CPTP: variants seen among roughly 807,000 people sequenced by gnomAD.
CPTP encodes GLTP domain-containing protein 1.
CPTP carries 5 observed loss-of-function variants against 5.7 expected under a neutral mutation model. The observed-to-expected ratio is 0.88, with a 90% CI of 0.46 to 1.86. The LOEUF is 1.86. CPTP is among the 40% of genes most tolerant of loss of function. CPTP has a pLI of 0.01. For missense variants in CPTP, 335 were observed against 306.5 expected, an observed-to-expected ratio of 1.09 and a Z score of -0.69; for synonymous variants, 166 against 142.7, an observed-to-expected ratio of 1.16 and a Z score of -1.16.
rs1350178282 is a variant in CPTP, at chr1:1,328,059, AG to A, written c.*300del. 4.0e-6 allele frequency: 2 copies of A among 494,990 alleles called. No individual in the cohort carries two copies. The highest frequency in any genetic ancestry group is 7.2e-6 in the Non-Finnish European group (2 of 279,536). The allele number at this position is 494,990 out of a possible 1,614,324, so 30.7% of individuals were successfully genotyped here. A position where few individuals can be genotyped will look rare whatever the true frequency, so the allele number is the denominator to read the frequency against. On this transcript the variant is annotated 3_prime_UTR_variant, in exon 3 of 3. Transcript: ENST00000343938. ...GGGTGCGGTGCAGAGCAGAGCAGGC[AG>A]GGGTGGGGGCCGGGCCTGCAAGAGC... is the stretch of plus-strand genomic sequence containing the variant.
rs941211174 is a variant in CPTP at position 1,328,556 on chromosome 1, C to G, written c.*793C>G. The stretch of plus-strand genomic sequence containing the variant: ...CAGCCCAGCCCAAGGCCCCCAGGAG[C>G]TGGGACTCTGCTACACCCAGTGAAA... On this transcript the variant is annotated 3_prime_UTR_variant, in exon 3 of 3. Coordinates refer to ENST00000343938, the MANE Select transcript of CPTP (RefSeq NM_001029885.2). The G allele has an allele frequency of 2.0e-5, 3 of 152,842 alleles. No individual in the cohort carries two copies. Among genetic ancestry groups the G allele is most frequent in the African/African-American group, 7.2e-5 (3 of 41,456 alleles). The allele number at this position is 152,842 out of a possible 1,614,324, so 9.5% of individuals were successfully genotyped here. A position where few individuals can be genotyped will look rare whatever the true frequency, so the allele number is the denominator to read the frequency against.
At chr1:1,326,705 G>A (rs971977789) in intron 1 of CPTP, 131 bp from the exon 2 acceptor site, 5 of 585,218 alleles carry the variant, frequency 8.5e-6, no homozygotes, top group Non-Finnish European at 1.5e-5. Context: ...GGGTCAGGGT[G>A]GTGTGCCTGA....
At position 1,327,755 on chromosome 1, in the gene CPTP, C is replaced by T. The variant is rs1398332185; in HGVS notation, c.637C>T (p.Leu213=). The change falls in exon 3 of 3, where the codon CTG becomes TTG. Residue 213 remains leucine, a synonymous_variant. Coordinates refer to ENST00000343938, the MANE Select transcript of CPTP (RefSeq NM_001029885.2). ...CTACGCCGAGCACTCCCTGCTGGAC[C>T]TGCCCTAGGGGCGGGAAGCCAGGGC... ...KLYAEHSLLD[L]P 1.9e-6 allele frequency: 3 copies of T among 1,611,776 alleles called. No homozygotes were observed. The African/African-American group carries it at 4.0e-5, about 22-fold the overall frequency.
chr1:1,325,004 C>T lies in CPTP; in HGVS notation c.-174C>T. ...GTGGCTCAGGTCGGCCCCTCCCCAA[C>T]ACCACCCCGGGCCTCCGCCCCTTCC... On this transcript the variant is annotated 5_prime_UTR_variant, in exon 1 of 3. Transcript: ENST00000343938. 4.8e-6 allele frequency: 1 copy of T among 210,018 alleles called. No individual in the cohort carries two copies. Among genetic ancestry groups the T allele is most frequent in the Non-Finnish European group, 9.4e-6 (1 of 106,322 alleles). The allele number at this position is 210,018 out of a possible 1,614,324, so 13.0% of individuals were successfully genotyped here.
intron 1 of CPTP, among the ~76,000 whole-genome samples, chr1:1,325,844 T>G (rs1439276989): frequency 6.6e-6 from 1 of 152,144 alleles, no homozygotes; most frequent in Non-Finnish European, 1.5e-5. Flanking sequence ...CCCCCACCGA[T>G]GGAGTCCCTG....
intron 1 of CPTP, among the ~76,000 whole-genome samples, chr1:1,325,792 C>T (rs1643286133): frequency 6.6e-6 from 1 of 152,166 alleles, no homozygotes. Context: ...CCCACCTGCT[C>T]CTGGCCAGGA....
In CPTP at chr1:1,327,725, A is replaced by C. The variant is rs1324443622; in HGVS notation, c.607A>C (p.Lys203Gln). The C allele has an allele frequency of 1.9e-6, 3 of 1,612,620 alleles. No individual in the cohort carries two copies. Among genetic ancestry groups the C allele is most frequent in the Non-Finnish European group, 1.7e-6 (2 of 1,179,910 alleles). Residue 203 changes from lysine (K) to glutamine (Q), a missense_variant, in exon 3 of 3, where the codon AAG becomes CAG. Transcript: ENST00000343938. Reference sequence around the variant, plus strand: ...CCAGCGTGTCTACAACGTCTCCCAGAAGCTCTACGCCGAGCACTCCCTGCT... The same window carrying C: ...CCAGCGTGTCTACAACGTCTCCCAGCAGCTCTACGCCGAGCACTCCCTGCT... The part of the protein sequence containing the change: ...FIQRVYNVSQ[K>Q]LYAEHSLLDL...
Position 1,328,049 on chromosome 1 carries a change from C to G in CPTP, c.*286C>G, listed in dbSNP as rs1643349718. 3.9e-6 allele frequency: 2 copies of G among 506,936 alleles called. No homozygotes were observed. Among genetic ancestry groups the G allele is most frequent in the Admixed American group, 7.5e-5 (2 of 26,638 alleles). The allele number at this position is 506,936 out of a possible 1,614,324, so 31.4% of individuals were successfully genotyped here. ...GGCCTCGCCAGGGTGCGGTGCAGAGCAGAGCAGGCAGGGGTGGGGGCCGGG... is the reference window on the plus strand; with the variant it reads ...GGCCTCGCCAGGGTGCGGTGCAGAGGAGAGCAGGCAGGGGTGGGGGCCGGG... On this transcript the variant is annotated 3_prime_UTR_variant, in exon 3 of 3. Coordinates refer to ENST00000343938, the MANE Select transcript of CPTP (RefSeq NM_001029885.2).
chr1:1,328,284 C>G lies in CPTP; in HGVS notation c.*521C>G, dbSNP rs1643355376. ...GGACTCAGTGCCCTCCATGCCCTGG[C>G]TGGCAGAAACCCTCAACAGCAGTCT... On this transcript the variant is annotated 3_prime_UTR_variant, in exon 3 of 3. Coordinates refer to ENST00000343938, the MANE Select transcript of CPTP (RefSeq NM_001029885.2). 1 of 169,304 alleles carries G rather than the reference C, an allele frequency of 5.9e-6. No individual in the cohort carries two copies. The highest frequency in any genetic ancestry group is 2.4e-5 in the African/African-American group (1 of 41,564). 10.5% of individuals were successfully genotyped at this position (169,304 alleles called of 1,614,324 possible).
Position 1,327,268 on chromosome 1 carries a change from C to T in CPTP, c.150C>T (p.Phe50=). The part of the protein sequence containing the change: ...VRFLNSLGTI[F]SFISKDVVSK... Reference sequence around the variant, plus strand: ...TTCTGAACAGCCTGGGCACCATCTTCTCATTCATCTCCAAGGACGTGGTCT... The same window carrying T: ...TTCTGAACAGCCTGGGCACCATCTTTTCATTCATCTCCAAGGACGTGGTCT... The change falls in exon 3 of 3, where the codon TTC becomes TTT. Residue 50 remains phenylalanine, a synonymous_variant. Coordinates refer to ENST00000343938, the MANE Select transcript of CPTP (RefSeq NM_001029885.2). 1 of 1,597,926 alleles carries T rather than the reference C, an allele frequency of 6.3e-7. No homozygotes were observed. The highest frequency in any genetic ancestry group is 8.5e-7 in the Non-Finnish European group (1 of 1,179,476).
Position 1,327,493 on chromosome 1 carries a change from G to T in CPTP, c.375G>T (p.Leu125=), listed in dbSNP as rs374502545. 5.1e-6 allele frequency: 8 copies of T among 1,572,578 alleles called. No homozygotes were observed. Among genetic ancestry groups the T allele is most frequent in the Admixed American group, 3.7e-5 (2 of 54,772 alleles). The change falls in exon 3 of 3, where the codon CTG becomes CTT. Residue 125 remains leucine (L), a synonymous_variant. Coordinates refer to ENST00000343938, the MANE Select transcript of CPTP (RefSeq NM_001029885.2). ...GGCTGCAGCTGTTCCTGGAGGGCCTGCGTACCAGCCCCGAGGACGCACGCA... is the reference window on the plus strand; with the variant it reads ...GGCTGCAGCTGTTCCTGGAGGGCCTTCGTACCAGCCCCGAGGACGCACGCA... ...LHWLQLFLEG[L]RTSPEDARTS...
At chr1:1,326,808 C>A in intron 1 of CPTP, 28 bp from the exon 2 acceptor site, 2 of 1,458,968 alleles carry the variant, frequency 1.4e-6, no homozygotes, top group Admixed American at 1.7e-5. Context: ...AATGGGATCG[C>A]AGCTATTTTG....
rs368389080 is a variant in CPTP at position 1,327,814 on chromosome 1, G to A, written c.*51G>A. 2.2e-4 allele frequency: 357 copies of A among 1,591,566 alleles called. 11 individuals carry two copies. In the East Asian group the frequency reaches 4.5e-3, roughly 20 times the overall value. ...CTTTCCTGCTGCAGATCTGGGCTGCGGTGGCCAGGGCCGTGAGTCCCGTGG... is the reference window on the plus strand; with the variant it reads ...CTTTCCTGCTGCAGATCTGGGCTGCAGTGGCCAGGGCCGTGAGTCCCGTGG... On this transcript the variant is annotated 3_prime_UTR_variant, in exon 3 of 3. Transcript: ENST00000343938.
rs2100672421 is a variant in CPTP at position 1,327,496 on chromosome 1, T to C, written c.378T>C (p.Arg126=). The C allele has an allele frequency of 1.3e-6, 2 of 1,573,236 alleles. No individual in the cohort carries two copies. The highest frequency in any genetic ancestry group is 1.7e-6 in the Non-Finnish European group (2 of 1,163,870). The change falls in exon 3 of 3, where the codon CGT becomes CGC. Residue 126 remains arginine, a synonymous_variant. Transcript: ENST00000343938. ...HWLQLFLEGL[R]TSPEDARTSA... Reference sequence around the variant, plus strand: ...TGCAGCTGTTCCTGGAGGGCCTGCGTACCAGCCCCGAGGACGCACGCACCT... The same window carrying C: ...TGCAGCTGTTCCTGGAGGGCCTGCGCACCAGCCCCGAGGACGCACGCACCT...
rs866025300 is a variant in CPTP, at chr1:1,327,962, G to T, written c.*199G>T. The T allele has an allele frequency of 4.7e-6, 3 of 643,002 alleles. No individual in the cohort carries two copies. Among genetic ancestry groups the T allele is most frequent in the Non-Finnish European group, 8.0e-6 (3 of 376,862 alleles). The allele number at this position is 643,002 out of a possible 1,614,324, so 39.8% of individuals were successfully genotyped here. A position where few individuals can be genotyped will look rare whatever the true frequency, so the allele number is the denominator to read the frequency against. ...CAGCCCAGAAGAGGCCCACCCTCTC[G>T]GTCCGGAACAAGACGCCTCGGCCAC... On this transcript the variant is annotated 3_prime_UTR_variant, in exon 3 of 3. Transcript: ENST00000343938.
At position 1,328,038 on chromosome 1, in the gene CPTP, G is replaced by A; in HGVS notation, c.*275G>A. ...GTGCGCAGCCAGGCCTCGCCAGGGT[G>A]CGGTGCAGAGCAGAGCAGGCAGGGG... On this transcript the variant is annotated 3_prime_UTR_variant, in exon 3 of 3. Transcript: ENST00000343938. 1.9e-6 allele frequency: 1 copy of A among 531,794 alleles called. No individual in the cohort carries two copies. The highest frequency in any genetic ancestry group is 3.3e-6 in the Non-Finnish European group (1 of 299,052). The allele number at this position is 531,794 out of a possible 1,614,324, so 32.9% of individuals were successfully genotyped here.
At chr1:1,325,628 C>A (rs1412671035) in intron 1 of CPTP, 2 of 152,332 alleles carry the variant, frequency 1.3e-5, no homozygotes, top group African/African-American at 4.8e-5. Context: ...CGCCTGGTGC[C>A]AAGCATGCAA....
Position 1,328,756 on chromosome 1 carries a change from A to G in CPTP, c.*993A>G, listed in dbSNP as rs307352. On this transcript the variant is annotated 3_prime_UTR_variant, in exon 3 of 3. Coordinates refer to ENST00000343938, the MANE Select transcript of CPTP (RefSeq NM_001029885.2). ...TGGGGCCTGGCCACTGGCTCTTCAC[A>G]GTGGACCCCAGCACCTCGGGGTGGC... The G allele has an allele frequency of 0.045, 6,937 of 152,554 alleles. 540 individuals carry two copies. The highest frequency in any genetic ancestry group is 0.16 in the African/African-American group (6,452 of 41,518). The allele number at this position is 152,554 out of a possible 1,614,324, so 9.5% of individuals were successfully genotyped here. A position where few individuals can be genotyped will look rare whatever the true frequency, so the allele number is the denominator to read the frequency against.
chr1:1,328,096 G>A lies in CPTP; in HGVS notation c.*333G>A, dbSNP rs565875625. On this transcript the variant is annotated 3_prime_UTR_variant, in exon 3 of 3. Transcript: ENST00000343938. The stretch of plus-strand genomic sequence containing the variant: ...CGGGCCTGCAAGAGCCCGAAAGGTC[G>A]CCACCCCCTAGCCTGTGGGGTGCAT... 4.7e-4 allele frequency: 196 copies of A among 416,080 alleles called. No homozygotes were observed. The highest frequency in any genetic ancestry group is 2.8e-3 in the African/African-American group (134 of 47,934). 25.8% of individuals were successfully genotyped at this position (416,080 alleles called of 1,614,324 possible).
Sources: gnomAD v4.1 joint callset for allele counts (sites outside exome capture counted in the v4.1 genomes callset) on GRCh38, gnomAD v4.1.1 for gene constraint, MANE v1.5 for transcripts, NCBI Gene and HGNC (gene_info 2026-07-23, HGNC 2026-07-21) for gene names.